Variants in ZCCHC7 observed in about 807,000 individuals in gnomAD.
ZCCHC7 encodes zinc finger CCHC-type containing 7.
A neutral mutation model predicts 52.0 loss-of-function variants in ZCCHC7; 35 were observed. The observed-to-expected ratio is 0.67, with a 90% CI of 0.51 to 0.89. The LOEUF is 0.89. ZCCHC7 is among the 40% of genes least tolerant of loss of function. The probability of loss-of-function intolerance (pLI) is 0.00; values close to 1 mark genes in which losing one functional copy is unlikely to be tolerated. For missense variants in ZCCHC7, 574 were observed against 649.1 expected, an observed-to-expected ratio of 0.88 and a Z score of 1.26; for synonymous variants, 217 against 221.5, an observed-to-expected ratio of 0.98 and a Z score of 0.18.
At chr9:37,266,741 G>T (rs2133473453) in intron 2 of ZCCHC7, among the ~76,000 whole-genome samples, 1 of 152,178 alleles carries the variant, frequency 6.6e-6, no homozygotes, top group South Asian at 2.1e-4. Context: ...AGGTATAGTG[G>T]TACACACCTG....
At chr9:37,127,619 C>G (rs546214474) in intron 2 of ZCCHC7, among the ~76,000 whole-genome samples, 4 of 152,288 alleles carry the variant, frequency 2.6e-5, no homozygotes, top group Non-Finnish European at 5.9e-5. Flanking sequence ...ATTTCCCTCC[C>G]TTTATGCCTA....
chr9:37,257,765 C>T (rs1432674693), intron 2 of ZCCHC7, among the ~76,000 whole-genome samples: 1 of 152,232 alleles, frequency 6.6e-6, no homozygotes, highest in East Asian at 1.9e-4. Flanking sequence ...AGCTCTCTCT[C>T]ACTGTGTGAC....
At chr9:37,266,477 A>G (rs1248034341) in intron 2 of ZCCHC7, among the ~76,000 whole-genome samples, 1 of 152,240 alleles carries the variant, frequency 6.6e-6, no homozygotes, top group African/African-American at 2.4e-5. Flanking sequence ...ACATTTTAAA[A>G]TACAGCTTTA....
In ZCCHC7 at chr9:37,151,117, A is replaced by G. The variant is rs574607263; in HGVS notation, c.610+24175A>G. Among the ~76,000 whole-genome samples the G allele has an allele frequency of 1.8e-4, 28 of 151,868 alleles. No homozygotes were observed. In the South Asian group the frequency reaches 5.6e-3, roughly 30 times the overall value. On this transcript the variant is annotated intron_variant, in intron 2 of 8. Coordinates refer to ENST00000336755, the MANE Select transcript of ZCCHC7 (RefSeq NM_032226.3). ...GTAGCTGGGACTACAGGCGCCTGCCACCACGCCCGGCTAATTTTTTTTGTA... is the reference window on the plus strand; with the variant it reads ...GTAGCTGGGACTACAGGCGCCTGCCGCCACGCCCGGCTAATTTTTTTTGTA...
chr9:37,342,247 G>A (rs1404795210), intron 6 of ZCCHC7, among the ~76,000 whole-genome samples: 1 of 152,142 alleles, frequency 6.6e-6, no homozygotes, highest in Non-Finnish European at 1.5e-5. Flanking sequence ...AGTTAAGGTT[G>A]TTCGTTTTTG....
Position 37,122,706 on chromosome 9 carries a change from G to A in ZCCHC7, c.-22+2083G>A, listed in dbSNP as rs569887564. On this transcript the variant is annotated intron_variant, in intron 1 of 8. Coordinates refer to ENST00000336755, the MANE Select transcript of ZCCHC7 (RefSeq NM_032226.3). Reference sequence around the variant, plus strand: ...TGTAATCCAGGCACTTTGGGAGTCCGAGTGGGGCGGATCACGAGGTCAGGA... The same window carrying A: ...TGTAATCCAGGCACTTTGGGAGTCCAAGTGGGGCGGATCACGAGGTCAGGA... Among the ~76,000 whole-genome samples the A allele has an allele frequency of 2.6e-5, 4 of 152,376 alleles. No homozygotes were observed. The East Asian group carries it at 7.7e-4, about 29-fold the overall frequency.
chr9:37,347,407 A>G (rs1821055872), intron 6 of ZCCHC7, among the ~76,000 whole-genome samples: 1 of 152,240 alleles, frequency 6.6e-6, no homozygotes, highest in Non-Finnish European at 1.5e-5. Context: ...AGGTTAGTGC[A>G]AAGGTAATTG....
chr9:37,327,725 G>C (rs1465541810), intron 5 of ZCCHC7, 74 bp from the exon 6 acceptor site: 9 of 1,549,954 alleles, frequency 5.8e-6, no homozygotes, highest in Non-Finnish European at 7.1e-6. Flanking sequence ...GTGGATGCTG[G>C]GTTATGCCAA....
chr9:37,158,107 C>T (rs769520189), intron 2 of ZCCHC7, among the ~76,000 whole-genome samples: 3 of 152,158 alleles, frequency 2.0e-5, no homozygotes, highest in African/African-American at 7.2e-5. Flanking sequence ...TATTTAATAT[C>T]CTGTAGCATC....
rs574259901 is a variant in ZCCHC7, at chr9:37,315,914, T to C, written c.951+10200T>C. Among the ~76,000 whole-genome samples the C allele has an allele frequency of 2.3e-4, 34 of 147,954 alleles. 1 individual carries two copies. Among genetic ancestry groups the C allele is most frequent in the African/African-American group, 8.5e-4 (34 of 40,224 alleles). ...AGGTAGTAGTGGGTAGCAAGGGTGA[T>C]GAACTGGTTCCTGTCTAAAATATAA... On this transcript the variant is annotated intron_variant, in intron 5 of 8. Coordinates refer to ENST00000336755, the MANE Select transcript of ZCCHC7 (RefSeq NM_032226.3).
chr9:37,168,326 A>G (rs1481797648), intron 2 of ZCCHC7, among the ~76,000 whole-genome samples: 1 of 151,934 alleles, frequency 6.6e-6, no homozygotes, highest in Non-Finnish European at 1.5e-5. Context: ...ATCCCTGTTA[A>G]TTTATCTGAG....
intron 2 of ZCCHC7, among the ~76,000 whole-genome samples, chr9:37,134,145 A>AT (rs928749242): frequency 4.6e-5 from 7 of 151,602 alleles, no homozygotes; most frequent in Non-Finnish European, 8.8e-5. Flanking sequence ...CTGGCTCCTA[A>AT]TTTTTTTTTC....
At chr9:37,251,532 C>A (rs1006073952) in intron 2 of ZCCHC7, among the ~76,000 whole-genome samples, 3 of 152,178 alleles carry the variant, frequency 2.0e-5, no homozygotes, top group Non-Finnish European at 4.4e-5. Flanking sequence ...TCAGACATCA[C>A]CTTTCTTGGG....
intron 2 of ZCCHC7, among the ~76,000 whole-genome samples, chr9:37,263,578 G>C (rs74528620): frequency 0.042 from 6,422 of 152,116 alleles, 456 homozygotes; most frequent in African/African-American, 0.15. Context: ...AAATCCTACA[G>C]TTAAGAACAA....
At chr9:37,278,931 C>G (rs916351206) in intron 2 of ZCCHC7, among the ~76,000 whole-genome samples, 7 of 152,134 alleles carry the variant, frequency 4.6e-5, no homozygotes, top group African/African-American at 7.2e-5. Context: ...CACCTGTAAT[C>G]CCAGCATTTT....
intron 2 of ZCCHC7, among the ~76,000 whole-genome samples, chr9:37,275,365 A>G (rs543579891): frequency 1.3e-4 from 19 of 141,914 alleles, no homozygotes; most frequent in Non-Finnish European, 2.0e-4. Flanking sequence ...TGCATCCAGG[A>G]GATATAATTT....
intron 2 of ZCCHC7, among the ~76,000 whole-genome samples, chr9:37,221,996 A>T (rs2133265481): frequency 6.6e-6 from 1 of 152,228 alleles, no homozygotes; most frequent in African/African-American, 2.4e-5. Context: ...CTTAACAGGA[A>T]ATGTGTGGAG....
chr9:37,199,684 CTGTCTT>C (rs1564174179), intron 2 of ZCCHC7, among the ~76,000 whole-genome samples: 15 of 68,698 alleles, frequency 2.2e-4, no homozygotes, highest in South Asian at 4.6e-4. Context: ...CTCTGTCTGT[CTGTCTT>C]TCTGTCTGTC....
chr9:37,205,956 A>G (rs1293533775), intron 2 of ZCCHC7, among the ~76,000 whole-genome samples: 1 of 150,906 alleles, frequency 6.6e-6, no homozygotes, highest in Non-Finnish European at 1.5e-5. Context: ...TAGGAGTATT[A>G]TGATATTTTG....
Sources: gnomAD v4.1 joint callset for allele counts (sites outside exome capture counted in the v4.1 genomes callset) on GRCh38, gnomAD v4.1.1 for gene constraint, MANE v1.5 for transcripts, NCBI Gene and HGNC (gene_info 2026-07-23, HGNC 2026-07-21) for gene names.